Variants in DST observed in about 807,000 individuals in gnomAD.
The protein encoded by DST is dystonin.
DST carries 253 observed loss-of-function variants against 875.2 expected under a neutral mutation model. That is an observed-to-expected ratio of 0.29 (90% CI 0.26 to 0.32). The LOEUF (loss-of-function observed/expected upper bound fraction) is 0.32. DST is among the 10% of genes least tolerant of loss of function. DST has a pLI of 1.00. For missense variants in DST, 8,287 were observed against 9,111.6 expected, an observed-to-expected ratio of 0.91 and a Z score of 3.68; for synonymous variants, 3,124 against 3,197.1, an observed-to-expected ratio of 0.98 and a Z score of 0.77.
chr6:56,560,531 C>T (rs1429937381), intron 57 of DST, 108 bp from the exon 58 acceptor site: 5 of 1,229,178 alleles, frequency 4.1e-6, no homozygotes, highest in Non-Finnish European at 5.6e-6. Context: ...AAAAAATCTA[C>T]TGTTAAATGT....
chr6:56,935,696 A>T (rs1387778703), intron 2 of DST, among the ~76,000 whole-genome samples: 2 of 152,134 alleles, frequency 1.3e-5, no homozygotes, highest in Non-Finnish European at 2.9e-5. Context: ...GGGAGGCCAA[A>T]GTGGGCGGAT....
At chr6:56,925,036 A>T (rs1400495738) in intron 2 of DST, among the ~76,000 whole-genome samples, 2 of 152,244 alleles carry the variant, frequency 1.3e-5, no homozygotes, top group African/African-American at 4.8e-5. Context: ...ACAGCATAGT[A>T]GGAAAGAGAT....
intron 10 of DST, among the ~76,000 whole-genome samples, chr6:56,655,826 TC>T (rs147647816): frequency 0.025 from 3,767 of 152,316 alleles, 70 homozygotes; most frequent in Non-Finnish European, 0.041. Flanking sequence ...TTTCCTCTGT[TC>T]CCAAATGCCG....
rs2096234586 is a variant in DST, at chr6:56,504,076, A to G, written c.19487T>C (p.Ile6496Thr). ...CATTGAAGCTAATTTACCACCTGCA[A>G]TATCTACCCAGTCAAATACCGCCTG... ...GLQAVFDWVD[I>T]AGGKLASMSP... The change falls in exon 78 of 104, where the codon ATT (isoleucine) becomes ACT (threonine). Residue 6496 changes from isoleucine (I) to threonine (T), a missense_variant. Transcript: ENST00000680361. 7 of 1,609,608 alleles carry G rather than the reference A, an allele frequency of 4.3e-6. No homozygotes were observed. The highest frequency in any genetic ancestry group is 5.9e-6 in the Non-Finnish European group (7 of 1,178,036).
chr6:56,936,561 A>AT (rs931559591), intron 2 of DST, among the ~76,000 whole-genome samples: 142 of 151,416 alleles, frequency 9.4e-4, no homozygotes, highest in African/African-American at 2.6e-3. Context: ...GAAATCACTC[A>AT]TTTTTTTTTC....
At chr6:56,467,750 A>G (rs576168646) in intron 98 of DST, among the ~76,000 whole-genome samples, 1 of 152,294 alleles carries the variant, frequency 6.6e-6, no homozygotes, top group African/African-American at 2.4e-5. Context: ...TTAATTAGGC[A>G]TTCTCCAGAC....
At chr6:56,619,237 A>G (rs375459311) in intron 36 of DST, 1 of 1,613,444 alleles carries the variant, frequency 6.2e-7, no homozygotes, top group South Asian at 1.1e-5. Context: ...CTAAAACTAT[A>G]TTCTCTGATT....
At chr6:56,924,960 C>A (rs551135514) in intron 2 of DST, among the ~76,000 whole-genome samples, 128 of 152,206 alleles carry the variant, frequency 8.4e-4, no homozygotes, top group African/African-American at 2.9e-3. Flanking sequence ...TGGAAATTTA[C>A]TTAATCCAGC....
intron 3 of DST, among the ~76,000 whole-genome samples, chr6:56,854,516 T>A (rs1051238836): frequency 3.9e-5 from 6 of 152,184 alleles, no homozygotes; most frequent in Non-Finnish European, 8.8e-5. Flanking sequence ...ATGTTACTGA[T>A]CTACACTTAG....
At position 56,628,171 on chromosome 6, in the gene DST, T is replaced by G; in HGVS notation, c.4476-10A>C. 1 of 1,612,082 alleles carries G rather than the reference T, an allele frequency of 6.2e-7. No homozygotes were observed. ...CTCTAAGTCCCGTAACCTAAGAGAATAGTAACCGAATAGTCACGGTGTCCA... is the reference window on the plus strand; with the variant it reads ...CTCTAAGTCCCGTAACCTAAGAGAAGAGTAACCGAATAGTCACGGTGTCCA... On this transcript the variant is annotated splice_polypyrimidine_tract_variant and intron_variant, in intron 32 of 103. Transcript: ENST00000680361.
At chr6:56,483,605 T>C (rs1031597311) in intron 88 of DST, 2 of 149,680 alleles carry the variant, frequency 1.3e-5, no homozygotes, top group African/African-American at 4.9e-5. Context: ...AATTCATTTA[T>C]TTTGGCCACA....
intron 9 of DST, among the ~76,000 whole-genome samples, chr6:56,686,753 G>A (rs751107376): frequency 2.7e-4 from 41 of 152,162 alleles, no homozygotes; most frequent in Non-Finnish European, 4.6e-4. Context: ...GAAGTGTCCC[G>A]TTAAAAGTTT....
chr6:56,666,296 A>G (rs551254041), intron 10 of DST, among the ~76,000 whole-genome samples: 1 of 152,284 alleles, frequency 6.6e-6, no homozygotes, highest in African/African-American at 2.4e-5. Flanking sequence ...AGTATAATTT[A>G]TATTAATAAA....
At chr6:56,567,299 A>G (rs1227389856) in intron 55 of DST, among the ~76,000 whole-genome samples, 5 of 152,222 alleles carry the variant, frequency 3.3e-5, no homozygotes, top group African/African-American at 1.2e-4. Flanking sequence ...CTAAACAGAA[A>G]CATTAAAATA....
chr6:56,573,970 C>A lies in DST; in HGVS notation c.13028-83G>T, dbSNP rs1447264050. ...CAAAAACACATGAAGGTGAATCATA[C>A]AATTTCCACACAAAAAATTTAAAAA... On this transcript the variant is annotated intron_variant, in intron 50 of 103. Coordinates refer to ENST00000680361, the MANE Select transcript of DST (RefSeq NM_001374736.1). 4 of 941,406 alleles carry A rather than the reference C, an allele frequency of 4.2e-6. No individual in the cohort carries two copies. In the Admixed American group the frequency reaches 9.2e-5, roughly 22 times the overall value. The allele number at this position is 941,406 out of a possible 1,614,324, so 58.3% of individuals were successfully genotyped here.
At chr6:56,591,840 C>T (rs1310282705) in intron 49 of DST, among the ~76,000 whole-genome samples, 1 of 151,662 alleles carries the variant, frequency 6.6e-6, no homozygotes, top group Non-Finnish European at 1.5e-5. Context: ...CCTGTAGTCC[C>T]AGCTGGTGGC....
rs2098484236 is a variant in DST at position 56,605,274 on chromosome 6, A to G, written c.9354T>C (p.Asp3118=). ...SLKKATVTLK[D]EPNNLQIIVS... is the part of the protein sequence containing the mutation. ...CTATTATTTGTAGATTATTTGGTTC[A>G]TCTTTAAGAGTTACAGTTGCTTTTT... Residue 3118 remains aspartate (D), a synonymous_variant, in exon 40 of 104, where the codon GAT becomes GAC. Coordinates refer to ENST00000680361, the MANE Select transcript of DST (RefSeq NM_001374736.1). 4 of 1,611,142 alleles carry G rather than the reference A, an allele frequency of 2.5e-6. No individual in the cohort carries two copies. In the South Asian group the frequency reaches 4.4e-5, roughly 18 times the overall value.
intron 2 of DST, among the ~76,000 whole-genome samples, chr6:56,923,148 A>T (rs1805127381): frequency 6.6e-6 from 1 of 152,174 alleles, no homozygotes; most frequent in Non-Finnish European, 1.5e-5. Flanking sequence ...TAGGGAACTC[A>T]TTACTGTAAT....
At chr6:56,561,146 C>T (rs187744342) in intron 57 of DST, among the ~76,000 whole-genome samples, 162 bp downstream of exon 57, 1 of 152,112 alleles carries the variant, frequency 6.6e-6, no homozygotes, top group Non-Finnish European at 1.5e-5. Flanking sequence ...CTATTATTAT[C>T]AATCTTTATA....
Sources: allele counts gnomAD v4.1 joint callset (sites outside exome capture counted in the v4.1 genomes callset), GRCh38; gene constraint gnomAD v4.1.1; transcripts MANE v1.5; gene names NCBI Gene and HGNC (gene_info 2026-07-23, HGNC 2026-07-21).